The following COL24A1 variants were observed in gnomAD, a reference collection of about 807,000 sequenced individuals.
COL24A1 encodes collagen alpha-1(XXIV) chain.
Under a neutral mutation model 253.9 loss-of-function variants are expected in COL24A1, and 224 were observed. That is an observed-to-expected ratio of 0.88 (90% confidence interval 0.79 to 0.99). The LOEUF (loss-of-function observed/expected upper bound fraction) is 0.99. Ranked by LOEUF, COL24A1 falls within the 50% of genes least tolerant of loss-of-function variation. The probability of loss-of-function intolerance (pLI) is 0.00; values close to 1 mark genes in which losing one functional copy is unlikely to be tolerated. For missense variants in COL24A1, 2,131 were observed against 2,068.5 expected, an observed-to-expected ratio of 1.03 and a Z score of -0.59; for synonymous variants, 685 against 673.7, an observed-to-expected ratio of 1.02 and a Z score of -0.26.
At chr1:85,784,387 A>C (rs377126404) in intron 48 of COL24A1, 21 bp from the exon 49 acceptor site, 1 of 1,558,242 alleles carries the variant, frequency 6.4e-7, no homozygotes, top group African/African-American at 1.4e-5. Flanking sequence ...AACAAAGAAA[A>C]GCGATCTTTA....
chr1:85,799,388 A>T (rs1301582901), intron 47 of COL24A1, among the ~76,000 whole-genome samples: 1 of 69,486 alleles, frequency 1.4e-5, no homozygotes, highest in Non-Finnish European at 4.0e-5. Flanking sequence ...CTAAAAAAAA[A>T]AAAAAAAAAA....
chr1:85,768,585 T>TAGG (rs1318865376), intron 53 of COL24A1, among the ~76,000 whole-genome samples: 1 of 112,146 alleles, frequency 8.9e-6, no homozygotes, highest in African/African-American at 3.0e-5. Context: ...AGTTCTTTTG[T>TAGG]GCGGGGGGAG....
intron 14 of COL24A1, among the ~76,000 whole-genome samples, chr1:86,025,569 A>C (rs1697955975): frequency 6.6e-6 from 1 of 152,236 alleles, no homozygotes; most frequent in Non-Finnish European, 1.5e-5. Flanking sequence ...AAAATAATTT[A>C]GATAAAGCAA....
rs200435378 is a variant in COL24A1, at chr1:86,033,846, G to A, written c.2004+24C>T. ...AGTATGAATGATGTTAGAATGCAAG[G>A]CTGAACCAACATAATGTACTCACAG... is the stretch of plus-strand genomic sequence containing the variant. On this transcript the variant is annotated intron_variant, in intron 13 of 59. Coordinates refer to ENST00000370571, the MANE Select transcript of COL24A1 (RefSeq NM_152890.7). The A allele has an allele frequency of 4.8e-4, 772 of 1,598,736 alleles. 16 individuals are homozygous for A. In the South Asian group the frequency reaches 8.3e-3, roughly 17 times the overall value.
At chr1:85,926,988 G>A (rs1687325828) in intron 24 of COL24A1, among the ~76,000 whole-genome samples, 1 of 152,194 alleles carries the variant, frequency 6.6e-6, no homozygotes, top group Non-Finnish European at 1.5e-5. Flanking sequence ...TCACCAGGTT[G>A]ATGGTAACCT....
rs968885750 is a variant in COL24A1, at chr1:85,946,693, C to T, written c.2562+14556G>A. On this transcript the variant is annotated intron_variant, in intron 24 of 59. Transcript: ENST00000370571. ...CTAAGTGGAAGTAGAATTAGAAATC[C>T]AGGATCAGAATTCAAATATATCTTA... Among the ~76,000 whole-genome samples the T allele has an allele frequency of 2.8e-4, 43 of 152,280 alleles. 2 individuals carry two copies. The East Asian group carries it at 5.6e-3, about 20-fold the overall frequency.
chr1:85,770,730 T>C (rs558358482), intron 53 of COL24A1, among the ~76,000 whole-genome samples: 1 of 152,196 alleles, frequency 6.6e-6, no homozygotes, highest in Non-Finnish European at 1.5e-5. Flanking sequence ...ACAACACATC[T>C]TCTTTAGCAT....
chr1:85,975,702 T>C (rs1180457581), intron 20 of COL24A1, among the ~76,000 whole-genome samples: 1 of 152,092 alleles, frequency 6.6e-6, no homozygotes, highest in African/African-American at 2.4e-5. Flanking sequence ...ACCACTACAG[T>C]AAAGTACCAG....
chr1:85,785,707 A>G (rs1205983390), intron 48 of COL24A1, among the ~76,000 whole-genome samples: 1 of 152,234 alleles, frequency 6.6e-6, no homozygotes, highest in Non-Finnish European at 1.5e-5. Flanking sequence ...ATTCTTTAGA[A>G]GTGGAACTGG....
At chr1:86,039,051 G>A (rs1409770721) in intron 12 of COL24A1, among the ~76,000 whole-genome samples, 1 of 152,102 alleles carries the variant, frequency 6.6e-6, no homozygotes, top group African/African-American at 2.4e-5. Flanking sequence ...ATAGTAACAA[G>A]AGTGACTGTC....
At chr1:86,136,639 G>A (rs12117437) in intron 2 of COL24A1, among the ~76,000 whole-genome samples, 23,986 of 151,866 alleles carry the variant, frequency 0.16, 2,001 homozygotes, top group South Asian at 0.24. Flanking sequence ...AAATGGTAGC[G>A]ATGCATTTGA....
intron 39 of COL24A1, 40 bp downstream of exon 39, chr1:85,847,625 T>A: frequency 6.9e-7 from 1 of 1,454,344 alleles, no homozygotes; most frequent in Non-Finnish European, 9.6e-7. Flanking sequence ...TTCTTTCCCA[T>A]CCACAGTGAC....
chr1:85,772,848 T>C (rs1047680582), intron 53 of COL24A1, among the ~76,000 whole-genome samples: 3 of 152,258 alleles, frequency 2.0e-5, no homozygotes, highest in African/African-American at 7.2e-5. Flanking sequence ...TAGTTTCTTT[T>C]GCTGTGCAGA....
intron 12 of COL24A1, among the ~76,000 whole-genome samples, chr1:86,040,476 CCT>C (rs1699394569): frequency 8.5e-6 from 1 of 118,026 alleles, no homozygotes; most frequent in African/African-American, 3.3e-5. Context: ...TCCCCCCACC[CCT>C]ACAAGGCTCT....
At chr1:85,982,157 A>G (rs977689984) in intron 20 of COL24A1, among the ~76,000 whole-genome samples, 3 of 152,148 alleles carry the variant, frequency 2.0e-5, no homozygotes, top group African/African-American at 7.2e-5. Flanking sequence ...AATAAGTCAA[A>G]TAAGCCAGTC....
chr1:86,124,896 T>C lies in COL24A1; in HGVS notation c.1440A>G (p.Thr480=), dbSNP rs748384009. Residue 480 remains threonine (T), a synonymous_variant, in exon 3 of 60, where the codon ACA becomes ACG. Coordinates refer to ENST00000370571, the MANE Select transcript of COL24A1 (RefSeq NM_152890.7). ...YDYYYYEDLN[T]MLEMEYLRGP... ...CTCTCAGATACTCCATTTCAAGCAT[T>C]GTATTTAGATCCTCATAATAATAAT... is the stretch of plus-strand genomic sequence containing the variant. 1.2e-6 allele frequency: 2 copies of C among 1,605,652 alleles called. No homozygotes were observed. Among genetic ancestry groups the C allele is most frequent in the South Asian group, 2.2e-5 (2 of 89,182 alleles).
rs982391954 is a variant in COL24A1, at chr1:85,817,978, A to G, written c.3843+56T>C. 6.2e-6 allele frequency: 9 copies of G among 1,447,146 alleles called. No individual in the cohort carries two copies. In the African/African-American group the frequency reaches 9.9e-5, roughly 16 times the overall value. The allele number at this position is 1,447,146 out of a possible 1,614,324, so 89.6% of individuals were successfully genotyped here. On this transcript the variant is annotated intron_variant, in intron 46 of 59. Coordinates refer to ENST00000370571, the MANE Select transcript of COL24A1 (RefSeq NM_152890.7). ...TTGGCCCCAAACTTTTCTGCTTGCT[A>G]AAGTTGCCAGTTCCATTTAGAAAAG...
At chr1:85,868,677 T>C in intron 36 of COL24A1, 51 bp from the exon 37 acceptor site, 1 of 1,527,158 alleles carries the variant, frequency 6.5e-7, no homozygotes, top group African/African-American at 1.4e-5. Flanking sequence ...GAAATAATTA[T>C]GCCAATAATA....
intron 6 of COL24A1, among the ~76,000 whole-genome samples, chr1:86,089,569 T>TA (rs1162941588): frequency 1.3e-5 from 2 of 152,140 alleles, no homozygotes; most frequent in African/African-American, 4.8e-5. Flanking sequence ...CCTGTAATCC[T>TA]AGCACTTTGG....
Sources: gnomAD v4.1 joint callset for allele counts (sites outside exome capture counted in the v4.1 genomes callset) on GRCh38, gnomAD v4.1.1 for gene constraint, MANE v1.5 for transcripts, NCBI Gene and HGNC (gene_info 2026-07-23, HGNC 2026-07-21) for gene names.